DACH2: variants seen among roughly 807,000 people sequenced by gnomAD.
The protein encoded by DACH2 is dachshund homolog 2.
DACH2 carries 17 observed loss-of-function variants against 35.8 expected under a neutral mutation model. The observed-to-expected ratio is 0.48, with a 90% CI of 0.33 to 0.71. The LOEUF (loss-of-function observed/expected upper bound fraction) is 0.71. DACH2 is among the 30% of genes least tolerant of loss of function. The probability of loss-of-function intolerance (pLI) is 0.02; values close to 1 mark genes in which losing one functional copy is unlikely to be tolerated. For synonymous variants in DACH2, 195 were observed against 177.3 expected (o/e 1.10, Z -0.79); for missense variants, 469 against 472.7 (o/e 0.99, Z 0.07).
intron 3 of DACH2, among the ~76,000 whole-genome samples, chrX:86,534,896 T>G (rs759921742): frequency 1.7e-4 from 19 of 111,976 alleles, no homozygotes; most frequent in Non-Finnish European, 3.4e-4. Flanking sequence ...TAAATTTATA[T>G]TTTTTCAAAA....
intron 3 of DACH2, among the ~76,000 whole-genome samples, chrX:86,578,509 A>G (rs1246413366): frequency 1.8e-5 from 2 of 111,605 alleles, no homozygotes; most frequent in East Asian, 5.6e-4. Flanking sequence ...CAAGAATGCT[A>G]TATAATTGGA....
intron 3 of DACH2, among the ~76,000 whole-genome samples, chrX:86,531,025 G>C (rs750768640): frequency 8.9e-6 from 1 of 111,881 alleles, no homozygotes; most frequent in African/African-American, 3.3e-5. Context: ...ACTTAAAAGA[G>C]ATTATTTAGG....
intron 2 of DACH2, among the ~76,000 whole-genome samples, chrX:86,408,647 G>A (rs2036562982): frequency 9.0e-6 from 1 of 111,570 alleles, no homozygotes; most frequent in South Asian, 3.7e-4. Flanking sequence ...AGGCTCTTGC[G>A]ACTTGAGAGG....
chrX:86,205,490 CTCCTTCCT>C (rs1199616660), intron 1 of DACH2, among the ~76,000 whole-genome samples: 157 of 23,336 alleles, frequency 6.7e-3, no homozygotes, highest in Middle Eastern at 0.029. Flanking sequence ...CCCTCCTTCC[CTCCTTCCT>C]TCCTTCCTTC....
intron 2 of DACH2, among the ~76,000 whole-genome samples, chrX:86,460,304 A>T (rs1378707790): frequency 1.8e-5 from 2 of 111,298 alleles, no homozygotes; most frequent in African/African-American, 6.5e-5. Flanking sequence ...ACTACATTTC[A>T]AAATGTTATG....
At chrX:86,745,343 G>C (rs1394985124) in intron 7 of DACH2, among the ~76,000 whole-genome samples, 1 of 111,223 alleles carries the variant, frequency 9.0e-6, no homozygotes, top group Non-Finnish European at 1.9e-5. Context: ...TGGGTTTGGC[G>C]TACAGATTAT....
intron 1 of DACH2, among the ~76,000 whole-genome samples, chrX:86,374,452 G>A (rs759537286): frequency 8.1e-5 from 9 of 110,613 alleles, no homozygotes; most frequent in Non-Finnish European, 1.3e-4. Context: ...GTCCTAATGT[G>A]GTACAATCAT....
chrX:86,618,338 C>T (rs770222853), intron 3 of DACH2, among the ~76,000 whole-genome samples: 3 of 111,746 alleles, frequency 2.7e-5, no homozygotes, highest in African/African-American at 9.7e-5. Flanking sequence ...TGATTCAGTG[C>T]AAAATATACT....
At chrX:86,575,029 A>G (rs1188036370) in intron 3 of DACH2, among the ~76,000 whole-genome samples, 2 of 111,609 alleles carry the variant, frequency 1.8e-5, no homozygotes, top group Non-Finnish European at 3.8e-5. Flanking sequence ...CTATATCAAT[A>G]TGAGAGATGG....
At chrX:86,319,835 TAC>T in intron 1 of DACH2, among the ~76,000 whole-genome samples, 1 of 112,047 alleles carries the variant, frequency 8.9e-6, no homozygotes, top group East Asian at 2.8e-4. Context: ...AAATAGACAC[TAC>T]ACACATAACA....
intron 1 of DACH2, among the ~76,000 whole-genome samples, chrX:86,317,206 A>G (rs2034929834): frequency 9.0e-6 from 1 of 111,150 alleles, no homozygotes; most frequent in Admixed American, 9.6e-5. Context: ...TAACCATGAC[A>G]ACAGAGTTTA....
intron 1 of DACH2, among the ~76,000 whole-genome samples, chrX:86,193,307 T>G (rs1052672147): frequency 3.6e-5 from 4 of 111,892 alleles, no homozygotes; most frequent in African/African-American, 1.3e-4. Flanking sequence ...TCTCTGTGTT[T>G]ATTAATAGTG....
intron 1 of DACH2, among the ~76,000 whole-genome samples, chrX:86,318,445 A>C (rs892199172): frequency 8.9e-6 from 1 of 111,749 alleles, no homozygotes; most frequent in African/African-American, 3.2e-5. Context: ...AAACAAGATA[A>C]AAATTGTCTG....
chrX:86,468,818 C>T (rs1191817384), intron 2 of DACH2, among the ~76,000 whole-genome samples: 2 of 111,340 alleles, frequency 1.8e-5, no homozygotes, highest in East Asian at 5.7e-4. Context: ...AAATTAAAAA[C>T]AGAACTACCA....
At chrX:86,727,472 C>A (rs1602858990) in intron 6 of DACH2, among the ~76,000 whole-genome samples, 1 of 111,009 alleles carries the variant, frequency 9.0e-6, no homozygotes, top group Non-Finnish European at 1.9e-5. Flanking sequence ...ATCAAAATTA[C>A]ATTTTGATAT....
At chrX:86,324,578 T>G (rs1245337310) in intron 1 of DACH2, among the ~76,000 whole-genome samples, 2 of 83,630 alleles carry the variant, frequency 2.4e-5, no homozygotes, top group African/African-American at 9.0e-5. Context: ...TGTCTTTTTT[T>G]TTTTTTTTTT....
chrX:86,551,841 G>A (rs748206134), intron 3 of DACH2, among the ~76,000 whole-genome samples: 1 of 111,654 alleles, frequency 9.0e-6, no homozygotes, highest in East Asian at 2.8e-4. Context: ...GCTTTCCCCA[G>A]GTTGTGGAAC....
intron 1 of DACH2, among the ~76,000 whole-genome samples, chrX:86,215,856 G>A (rs2032559062): frequency 1.8e-5 from 2 of 112,160 alleles, no homozygotes. Context: ...CTTTTATTAC[G>A]ACAATTGTAA....
At chrX:86,154,292 TA>T (rs2030467229) in intron 1 of DACH2, among the ~76,000 whole-genome samples, 1 of 111,667 alleles carries the variant, frequency 9.0e-6, no homozygotes, top group Non-Finnish European at 1.9e-5. Flanking sequence ...AAATATGTAT[TA>T]AAACCATCCT....
Sources: gnomAD v4.1 joint callset for allele counts (sites outside exome capture counted in the v4.1 genomes callset) on GRCh38, gnomAD v4.1.1 for gene constraint, MANE v1.5 for transcripts, NCBI Gene and HGNC (gene_info 2026-07-23, HGNC 2026-07-21) for gene names.